PLD1: variants seen among roughly 807,000 people sequenced by gnomAD.
PLD1 encodes choline phosphatase 1.
PLD1 carries 112 observed loss-of-function variants against 137.1 expected under a neutral mutation model. The ratio of observed to expected loss-of-function variants is 0.82; its 90% CI spans 0.70 to 0.96. The LOEUF is 0.96. Among genes scored for constraint, PLD1 ranks in the 40% least tolerant of loss-of-function variants. The pLI is 0.00. For synonymous variants in PLD1, 431 were observed against 454.7 expected, an observed-to-expected ratio of 0.95 and a Z score of 0.66; for missense variants, 1,321 against 1,342.0, an observed-to-expected ratio of 0.98 and a Z score of 0.24.
intron 8 of PLD1, among the ~76,000 whole-genome samples, chr3:171,720,987 A>C (rs904402547): frequency 1.3e-5 from 2 of 151,978 alleles, no homozygotes; most frequent in Non-Finnish European, 2.9e-5. Flanking sequence ...CTCACAAACC[A>C]TTTTTCCCCT....
intron 19 of PLD1, among the ~76,000 whole-genome samples, chr3:171,665,584 C>A (rs1412343898): frequency 6.6e-6 from 1 of 152,006 alleles, no homozygotes; most frequent in East Asian, 1.9e-4. Context: ...CCTGTAATCC[C>A]AGCTACTCGG....
intron 1 of PLD1, among the ~76,000 whole-genome samples, chr3:171,750,970 G>A (rs908545336): frequency 1.4e-4 from 22 of 152,020 alleles, no homozygotes; most frequent in African/African-American, 4.8e-4. Context: ...AGAAATAGAT[G>A]AACTGAACCA....
intron 1 of PLD1, among the ~76,000 whole-genome samples, chr3:171,746,641 G>C (rs1014627519): frequency 1.3e-5 from 2 of 152,110 alleles, no homozygotes; most frequent in African/African-American, 2.4e-5. Flanking sequence ...GGGACTTGGA[G>C]AACCTTTATG....
intron 1 of PLD1, among the ~76,000 whole-genome samples, chr3:171,770,382 A>G (rs1235972378): frequency 3.3e-5 from 5 of 152,218 alleles, no homozygotes; most frequent in Non-Finnish European, 5.9e-5. Context: ...AATTAAAATG[A>G]TATTCTGGTT....
At chr3:171,752,483 C>T (rs1720734931) in intron 1 of PLD1, among the ~76,000 whole-genome samples, 1 of 152,146 alleles carries the variant, frequency 6.6e-6, no homozygotes, top group African/African-American at 2.4e-5. Context: ...TTTGAGAACT[C>T]AGAATGACAA....
chr3:171,724,254 T>C (rs1001297152), intron 8 of PLD1, among the ~76,000 whole-genome samples: 5 of 152,212 alleles, frequency 3.3e-5, no homozygotes, highest in African/African-American at 1.2e-4. Flanking sequence ...CCATTAACAA[T>C]ATCTGCGGTT....
chr3:171,655,902 G>C (rs1397944584), intron 21 of PLD1, among the ~76,000 whole-genome samples: 2 of 152,256 alleles, frequency 1.3e-5, no homozygotes, highest in Middle Eastern at 6.8e-3. Context: ...TGAGAGATCA[G>C]AGCTAAATGA....
intron 23 of PLD1, among the ~76,000 whole-genome samples, chr3:171,641,828 A>AT (rs1290344092): frequency 2.0e-5 from 3 of 152,164 alleles, no homozygotes; most frequent in South Asian, 4.1e-4. Flanking sequence ...GAATCTTCAT[A>AT]TAAACGTCAG....
chr3:171,682,156 GAA>G (rs1553819394), intron 16 of PLD1, among the ~76,000 whole-genome samples: 2 of 63,812 alleles, frequency 3.1e-5, no homozygotes, highest in African/African-American at 1.5e-4. Flanking sequence ...AAGAAAGAAA[GAA>G]AGAAAGAAAA....
intron 1 of PLD1, among the ~76,000 whole-genome samples, chr3:171,800,129 T>A (rs923995439): frequency 2.0e-5 from 3 of 152,232 alleles, no homozygotes; most frequent in African/African-American, 7.2e-5. Flanking sequence ...TAGAGGAAAC[T>A]GTGTACTCCT....
intron 26 of PLD1, among the ~76,000 whole-genome samples, chr3:171,604,224 G>A (rs1310311015): frequency 2.0e-5 from 3 of 151,422 alleles, no homozygotes; most frequent in East Asian, 3.9e-4. Flanking sequence ...TGAGGCAGGG[G>A]AATCACTTGA....
intron 1 of PLD1, chr3:171,791,684 G>C (rs762246134): frequency 3.3e-5 from 5 of 152,156 alleles, no homozygotes; most frequent in East Asian, 1.9e-4. Flanking sequence ...ACTGTAAAAG[G>C]CTGGATCGAA....
At chr3:171,794,026 C>T (rs1723326667) in intron 1 of PLD1, 1 of 152,144 alleles carries the variant, frequency 6.6e-6, no homozygotes, top group Non-Finnish European at 1.5e-5. Context: ...CGCCTATAAT[C>T]CCAGCTACTC....
chr3:171,612,201 G>A lies in PLD1; in HGVS notation c.2882+78C>T. 7.4e-7 allele frequency: 1 copy of A among 1,343,914 alleles called. No individual in the cohort carries two copies. Among genetic ancestry groups the A allele is most frequent in the Non-Finnish European group, 1.1e-6 (1 of 948,300 alleles). The allele number at this position is 1,343,914 out of a possible 1,614,324, so 83.2% of individuals were successfully genotyped here. On this transcript the variant is annotated intron_variant, in intron 25 of 26. Transcript: ENST00000351298. The surrounding 1 kb of genome is among the most constrained non-coding windows in gnomAD (Gnocchi z 4.1). ...AAGAAGAACCTAGGATGACCCATGT[G>A]CTCAGGGCTAGCGGGGCTGGGTCCC...
chr3:171,733,673 G>C (rs955887122), intron 5 of PLD1, among the ~76,000 whole-genome samples, 164 bp from the exon 6 acceptor site: 1 of 152,064 alleles, frequency 6.6e-6, no homozygotes, highest in Admixed American at 6.6e-5. Context: ...ATAGCATTAA[G>C]GTGTTATTTC....
At chr3:171,657,806 TAA>T (rs778629479) in intron 21 of PLD1, among the ~76,000 whole-genome samples, 4 of 152,056 alleles carry the variant, frequency 2.6e-5, no homozygotes, top group Non-Finnish European at 5.9e-5. Context: ...AAAAAATAGA[TAA>T]GTTAGCTTTT....
chr3:171,639,696 T>G, intron 23 of PLD1, among the ~76,000 whole-genome samples: 1 of 128,486 alleles, frequency 7.8e-6, no homozygotes, highest in East Asian at 2.0e-4. Context: ...CCTATTCATA[T>G]AATATATATT....
intron 1 of PLD1, among the ~76,000 whole-genome samples, chr3:171,785,713 A>G (rs1722987656): frequency 6.6e-6 from 1 of 152,196 alleles, no homozygotes; most frequent in African/African-American, 2.4e-5. Flanking sequence ...CTGGGATTAT[A>G]GGCGTGAGCC....
chr3:171,629,116 T>C (rs1174033243), intron 23 of PLD1, among the ~76,000 whole-genome samples: 22 of 151,122 alleles, frequency 1.5e-4, no homozygotes, highest in East Asian at 5.8e-4. Context: ...GAAAACCCCA[T>C]TGTCTCAGCC....
Sources: allele counts gnomAD v4.1 joint callset (sites outside exome capture counted in the v4.1 genomes callset), GRCh38; gene constraint gnomAD v4.1.1; non-coding constraint Gnocchi (gnomAD v3.1); transcripts MANE v1.5; gene names NCBI Gene and HGNC (gene_info 2026-07-23, HGNC 2026-07-21).